GNL3L: variants seen among roughly 807,000 people sequenced by gnomAD.
The protein encoded by GNL3L is guanine nucleotide-binding protein-like 3-like protein.
Under a neutral mutation model 42.9 loss-of-function variants are expected in GNL3L, and 4 were observed. That is an observed-to-expected ratio of 0.09 (90% CI 0.05 to 0.21). The LOEUF is 0.21. Ranked by LOEUF, GNL3L falls within the 10% of genes least tolerant of loss-of-function variation. The pLI is 1.00. For synonymous variants in GNL3L, 159 were observed against 176.3 expected, an observed-to-expected ratio of 0.90 and a Z score of 0.78; for missense variants, 412 against 481.7, an observed-to-expected ratio of 0.86 and a Z score of 1.36.
chrX:54,639,011 A>G, the GNL3L span, among the ~76,000 whole-genome samples: 7,066 of 111,899 alleles, frequency 0.063, 235 homozygotes, highest in Admixed American at 0.11. Flanking sequence ...GTTTTAACAA[A>G]GCCCTGTAGG....
In GNL3L at chrX:54,566,678, T is replaced by TA. The variant is rs777417481; in HGVS notation, c.*6077dup. Among the ~76,000 whole-genome samples, 3 of 112,763 alleles carry TA rather than the reference T, an allele frequency of 2.7e-5. No individual in the cohort carries two copies. The highest frequency in any genetic ancestry group is 9.4e-5 in the Admixed American group (1 of 10,640). On this transcript the variant is annotated 3_prime_UTR_variant, in exon 16 of 16. Transcript: ENST00000360845. ...TGAGTATTATTCTATTGTGTGTATA[T>TA]ACCACATTTTATTTATCCATTCATC...
At chrX:54,579,229 T>A (rs1268363627) in intron 16 of GNL3L, among the ~76,000 whole-genome samples, 3 of 111,975 alleles carry the variant, frequency 2.7e-5, no homozygotes, top group Non-Finnish European at 5.6e-5. Flanking sequence ...TGTTGAACTT[T>A]ATCTTTTTTT....
At chrX:54,533,367 C>T (rs1442493198) in intron 2 of GNL3L, among the ~76,000 whole-genome samples, 1 of 59,561 alleles carries the variant, frequency 1.7e-5, no homozygotes, top group Non-Finnish European at 3.3e-5. Context: ...GACGCTGTCT[C>T]AAAAAAAAAA....
At chrX:54,594,573 C>G (rs1925910439) in intron 16 of GNL3L, among the ~76,000 whole-genome samples, 1 of 107,576 alleles carries the variant, frequency 9.3e-6, no homozygotes, top group African/African-American at 3.4e-5. Context: ...ATCTATTCAG[C>G]CACTCTGTCT....
At chrX:54,586,613 C>T (rs1438531737) in intron 16 of GNL3L, among the ~76,000 whole-genome samples, 1 of 112,397 alleles carries the variant, frequency 8.9e-6, no homozygotes, top group Non-Finnish European at 1.9e-5. Flanking sequence ...TTACCTATGG[C>T]AACTAGGGAA....
At chrX:54,627,851 T>C in the GNL3L span, among the ~76,000 whole-genome samples, 6 of 111,772 alleles carry the variant, frequency 5.4e-5, no homozygotes, top group Non-Finnish European at 1.1e-4. Context: ...ATTATTTTTA[T>C]TTCAATAGTT....
At chrX:54,552,095 C>T in intron 12 of GNL3L, 121 bp downstream of exon 12, 1 of 886,929 alleles carries the variant, frequency 1.1e-6, no homozygotes. Context: ...CAGAGGATGG[C>T]CAAGGTGCCA....
Position 54,532,584 on chromosome X carries a change from C to G in GNL3L, c.18C>G (p.His6Gln). The change falls in exon 2 of 16, where the codon CAC becomes CAG. Residue 6 changes from histidine (H) to glutamine (Q), a missense_variant and splice_region_variant. His to Gln is a conservative substitution (Grantham distance 24, BLOSUM62 0). Transcript: ENST00000360845. ...TGGTCATCATGATGAAACTTAGACACAGTGAGTTTCCTTTACCACCCCTCC... is the reference window on the plus strand; with the variant it reads ...TGGTCATCATGATGAAACTTAGACAGAGTGAGTTTCCTTTACCACCCCTCC... MMKLR[H>Q]KNKKPGEGSK... 8.5e-7 allele frequency: 1 copy of G among 1,171,042 alleles called. No individual in the cohort carries two copies. Among genetic ancestry groups the G allele is most frequent in the Non-Finnish European group, 1.2e-6 (1 of 858,344 alleles).
At chrX:54,595,600 T>C (rs184663615) in intron 16 of GNL3L, among the ~76,000 whole-genome samples, 34 of 111,988 alleles carry the variant, frequency 3.0e-4, no homozygotes, top group African/African-American at 9.1e-4. Context: ...AAGTTCTCTG[T>C]TATCCCTTTG....
Position 54,564,732 on chromosome X carries a change from T to C in GNL3L, c.*4130T>C, listed in dbSNP as rs2147502600. Among the ~76,000 whole-genome samples, 1 of 74,731 alleles carries C rather than the reference T, an allele frequency of 1.3e-5. No homozygotes were observed. Among genetic ancestry groups the C allele is most frequent in the East Asian group, 3.5e-4 (1 of 2,852 alleles). The allele number at this position is 74,731 out of a possible 115,157, so 64.9% of individuals were successfully genotyped here. ...TTTTCTTTGTTCTTATATTTTTGTC[T>C]TTTTTTTTTTTTTTTTTTTGAAACA... On this transcript the variant is annotated 3_prime_UTR_variant, in exon 16 of 16. Transcript: ENST00000360845.
chrX:54,545,565 A>G (rs1318845052), intron 8 of GNL3L, among the ~76,000 whole-genome samples: 14 of 111,712 alleles, frequency 1.3e-4, no homozygotes, highest in Non-Finnish European at 1.1e-4. Context: ...TTTGAAACAA[A>G]TCACAGTTCT....
Position 54,548,414 on chromosome X carries a change from T to C in GNL3L, c.775+41T>C, listed in dbSNP as rs1187641555. ...TGGTCATGGGGCTCAGGCTTCTTTC[T>C]TGAGCGGACACTTCGCTGGGGGAAA... On this transcript the variant is annotated intron_variant, in intron 9 of 15. Transcript: ENST00000360845. 2.7e-6 allele frequency: 3 copies of C among 1,091,739 alleles called. No homozygotes were observed. In the East Asian group the frequency reaches 9.1e-5, roughly 33 times the overall value. The allele number at this position is 1,091,739 out of a possible 1,213,427, so 90.0% of individuals were successfully genotyped here. A position where few individuals can be genotyped will look rare whatever the true frequency, so the allele number is the denominator to read the frequency against.
At chrX:54,595,800 G>A (rs1294881801) in intron 16 of GNL3L, among the ~76,000 whole-genome samples, 2 of 111,652 alleles carry the variant, frequency 1.8e-5, no homozygotes, top group Non-Finnish European at 3.8e-5. Flanking sequence ...TTTTCTGCTC[G>A]ATCAATTCTG....
chrX:54,611,023 T>A (rs1926156327), intron 16 of GNL3L, among the ~76,000 whole-genome samples: 1 of 111,386 alleles, frequency 9.0e-6, no homozygotes, highest in Non-Finnish European at 1.9e-5. Context: ...TCAGCCTCGC[T>A]GCTTGTTATT....
intron 16 of GNL3L, among the ~76,000 whole-genome samples, chrX:54,577,360 T>C (rs143447776): frequency 4.5e-5 from 5 of 112,163 alleles, no homozygotes; most frequent in African/African-American, 1.3e-4. Context: ...TGCTTTGATA[T>C]GCATATCCAT....
At chrX:54,571,420 C>A (rs1035435480), downstream of GNL3L, among the ~76,000 whole-genome samples, 6 of 108,011 alleles carry the variant, frequency 5.6e-5, no homozygotes, top group Non-Finnish European at 1.1e-4. Context: ...TGGTCTCGAT[C>A]TCCTGACCTC....
At chrX:54,571,297 C>T (rs182184505), downstream of GNL3L, among the ~76,000 whole-genome samples, 461 of 107,199 alleles carry the variant, frequency 4.3e-3, 4 homozygotes, top group African/African-American at 0.015. Flanking sequence ...GGGTTCATGC[C>T]ATTCTCCTGC....
At position 54,530,360 on chromosome X, in the gene GNL3L, G is replaced by C. The variant is rs12839758; in HGVS notation, c.-107G>C. 2,296 of 111,354 alleles carry C rather than the reference G, an allele frequency of 0.021. 24 individuals are homozygous for C. Among genetic ancestry groups the C allele is most frequent in the Non-Finnish European group, 0.034 (1,792 of 52,934 alleles). 9.2% of individuals were successfully genotyped at this position (111,354 alleles called of 1,213,427 possible). On this transcript the variant is annotated 5_prime_UTR_variant, in exon 1 of 16. Coordinates refer to ENST00000360845, the MANE Select transcript of GNL3L (RefSeq NM_001184819.2). ...AATGTGCGCTCACCTAGACGGCCGG[G>C]CAGTTAGGATCGTCTATTGGATGTG...
chrX:54,606,547 C>T (rs1926063196), intron 16 of GNL3L, among the ~76,000 whole-genome samples: 1 of 110,521 alleles, frequency 9.0e-6, no homozygotes, highest in Admixed American at 9.7e-5. Context: ...GCAATCATAG[C>T]TCACTGTAAC....
Sources: gnomAD v4.1 joint callset for allele counts (sites outside exome capture counted in the v4.1 genomes callset) on GRCh38, gnomAD v4.1.1 for gene constraint, MANE v1.5 for transcripts, NCBI Gene and HGNC (gene_info 2026-07-23, HGNC 2026-07-21) for gene names.